Variants in RAPGEF6 observed in about 807,000 individuals in gnomAD.
RAPGEF6 encodes the protein PDZ domain containing guanine nucleotide exchange factor (GEF) 2.
A neutral mutation model predicts 171.4 loss-of-function variants in RAPGEF6; 56 were observed. The ratio of observed to expected loss-of-function variants is 0.33; its 90% confidence interval spans 0.26 to 0.41. The LOEUF (loss-of-function observed/expected upper bound fraction) is 0.41. Ranked by LOEUF, RAPGEF6 falls within the 10% of genes least tolerant of loss-of-function variation. The pLI is 1.00. For synonymous variants in RAPGEF6, 692 were observed against 650.1 expected (o/e 1.06, Z -0.98); for missense variants, 1,674 against 1,921.4 (o/e 0.87, Z 2.41).
chr5:131,528,083 T>TA (rs1561537650), intron 6 of RAPGEF6, among the ~76,000 whole-genome samples: 6 of 123,010 alleles, frequency 4.9e-5, no homozygotes, highest in Non-Finnish European at 8.0e-5. Flanking sequence ...TAATTTATAT[T>TA]ATATGTAATA....
chr5:131,472,636 A>T lies in RAPGEF6; in HGVS notation c.2190T>A (p.Pro730=). Reference sequence around the variant, plus strand: ...TACTGGTGGTAGGCTGCAGGAGATCAGGGCTGCTGGATGAGAGTGTTCCAG... The same window carrying T: ...TACTGGTGGTAGGCTGCAGGAGATCTGGGCTGCTGGATGAGAGTGTTCCAG... ...PIPGTLSSSS[P]DLLQPTTSML... The change falls in exon 17 of 28, where the codon CCT becomes CCA. Residue 730 remains proline (P), a synonymous_variant. Transcript: ENST00000509018. The T allele has an allele frequency of 6.2e-7, 1 of 1,614,108 alleles. No individual in the cohort carries two copies. Among genetic ancestry groups the T allele is most frequent in the Non-Finnish European group, 8.5e-7 (1 of 1,179,944 alleles).
chr5:131,479,276 A>G (rs1346287843), intron 16 of RAPGEF6, among the ~76,000 whole-genome samples: 3 of 152,220 alleles, frequency 2.0e-5, no homozygotes, highest in Non-Finnish European at 2.9e-5. Context: ...TTCATAAAAT[A>G]AAATGGACAG....
At chr5:131,458,790 A>C (rs1034052973) in intron 19 of RAPGEF6, among the ~76,000 whole-genome samples, 3 of 152,130 alleles carry the variant, frequency 2.0e-5, no homozygotes, top group African/African-American at 7.2e-5. Flanking sequence ...AGTAGCTGGG[A>C]TTACAAGCAT....
rs935872579 is a variant in RAPGEF6, at chr5:131,441,960, G to A, written c.3610+389C>T. 2.6e-5 allele frequency among the ~76,000 whole-genome samples: 4 copies of A among 152,000 alleles called. No individual in the cohort carries two copies. In the South Asian group the frequency reaches 6.2e-4, roughly 24 times the overall value. Reference sequence around the variant, plus strand: ...TGTTTCCCAACCACGTTTTCAGAAGGGGTCTTTAAAGACAAAAAACAACGT... The same window carrying A: ...TGTTTCCCAACCACGTTTTCAGAAGAGGTCTTTAAAGACAAAAAACAACGT... On this transcript the variant is annotated intron_variant, in intron 23 of 27. Coordinates refer to ENST00000509018, the MANE Select transcript of RAPGEF6 (RefSeq NM_016340.6).
chr5:131,586,959 T>G (rs1316186180), intron 4 of RAPGEF6, among the ~76,000 whole-genome samples: 2 of 152,246 alleles, frequency 1.3e-5, no homozygotes, highest in East Asian at 3.9e-4. Flanking sequence ...CACACAGGGG[T>G]GGAGCCACAG....
At chr5:131,536,171 A>C (rs1759756823) in intron 6 of RAPGEF6, among the ~76,000 whole-genome samples, 1 of 152,196 alleles carries the variant, frequency 6.6e-6, no homozygotes, top group Admixed American at 6.6e-5. Context: ...TTTGAAATAT[A>C]AACTTAAATT....
chr5:131,505,284 T>C lies in RAPGEF6; in HGVS notation c.1101+80A>G, dbSNP rs181003992. The C allele has an allele frequency of 3.3e-3, 4,697 of 1,408,250 alleles. 59 individuals are homozygous for C. Among genetic ancestry groups the C allele is most frequent in the Non-Finnish European group, 2.4e-3 (2,452 of 1,013,426 alleles). 87.2% of individuals were successfully genotyped at this position (1,408,250 alleles called of 1,614,324 possible). A position where few individuals can be genotyped will look rare whatever the true frequency, so the allele number is the denominator to read the frequency against. ...AACTCCTAATTCTCAAATAAAGCTA[T>C]TTTCTTTTGAGGAAGACAAAACAGG... On this transcript the variant is annotated intron_variant, in intron 10 of 27. Transcript: ENST00000509018.
intron 6 of RAPGEF6, among the ~76,000 whole-genome samples, chr5:131,527,300 CA>C (rs1295348679): frequency 6.6e-6 from 1 of 151,006 alleles, no homozygotes; most frequent in African/African-American, 2.5e-5. Context: ...ACAACAACAA[CA>C]ACAAAAAAAA....
intron 5 of RAPGEF6, among the ~76,000 whole-genome samples, chr5:131,548,923 G>T (rs1760727524): frequency 6.6e-6 from 1 of 152,118 alleles, no homozygotes; most frequent in African/African-American, 2.4e-5. Context: ...AATAAGCCAG[G>T]CATGGTGGTG....
chr5:131,623,477 CTT>C (rs763921579), intron 1 of RAPGEF6, among the ~76,000 whole-genome samples: 4 of 114,176 alleles, frequency 3.5e-5, no homozygotes, highest in African/African-American at 6.7e-5. Context: ...TTTCACATTG[CTT>C]TTTTTTTTTT....
chr5:131,570,701 ACAT>A (rs1049317925), intron 4 of RAPGEF6, among the ~76,000 whole-genome samples: 4 of 152,174 alleles, frequency 2.6e-5, no homozygotes, highest in African/African-American at 9.7e-5. Context: ...AAACTATACA[ACAT>A]ATTCCATTTA....
intron 5 of RAPGEF6, among the ~76,000 whole-genome samples, chr5:131,561,456 G>A (rs1368591597): frequency 6.6e-6 from 1 of 151,964 alleles, no homozygotes; most frequent in South Asian, 2.1e-4. Flanking sequence ...TCAGGAGTTC[G>A]AGACCAGCCT....
chr5:131,563,068 TA>T (rs1002738779), intron 4 of RAPGEF6, among the ~76,000 whole-genome samples: 4 of 148,548 alleles, frequency 2.7e-5, no homozygotes, highest in African/African-American at 7.4e-5. Flanking sequence ...TAATGAAGAA[TA>T]AAAAAAAGCC....
chr5:131,442,142 T>C (rs1162110971), intron 23 of RAPGEF6, among the ~76,000 whole-genome samples: 1 of 152,196 alleles, frequency 6.6e-6, no homozygotes, highest in Non-Finnish European at 1.5e-5. Context: ...TTCAGTATTA[T>C]AGGAAATTCA....
intron 4 of RAPGEF6, among the ~76,000 whole-genome samples, chr5:131,574,910 G>A (rs189335730): frequency 6.3e-4 from 96 of 152,230 alleles, no homozygotes; most frequent in African/African-American, 2.2e-3. Flanking sequence ...TCACTCACCT[G>A]TTACAGCATG....
chr5:131,471,208 C>G (rs756065213), intron 17 of RAPGEF6, among the ~76,000 whole-genome samples: 6 of 152,158 alleles, frequency 3.9e-5, no homozygotes, highest in Non-Finnish European at 4.4e-5. Flanking sequence ...AAAGTAATGA[C>G]TCATTAAATC....
intron 15 of RAPGEF6, among the ~76,000 whole-genome samples, chr5:131,481,402 A>T (rs575965144): frequency 6.7e-6 from 1 of 149,474 alleles, no homozygotes; most frequent in African/African-American, 2.5e-5. Context: ...TAATTTTTGT[A>T]TTTTTTTGTA....
At chr5:131,452,418 T>G (rs1753157725) in intron 21 of RAPGEF6, among the ~76,000 whole-genome samples, 2 of 152,072 alleles carry the variant, frequency 1.3e-5, no homozygotes, top group Admixed American at 1.3e-4. Flanking sequence ...TTCTGTTCAT[T>G]TGTATGTAAT....
chr5:131,600,605 GGGAGAGAAGA>G (rs1489222481), intron 3 of RAPGEF6, among the ~76,000 whole-genome samples: 27 of 147,560 alleles, frequency 1.8e-4, no homozygotes, highest in South Asian at 1.3e-3. Context: ...GGGAAGGGAG[GGGAGAGAAGA>G]GGAGAGAAGA....
Sources: allele counts gnomAD v4.1 joint callset (sites outside exome capture counted in the v4.1 genomes callset), GRCh38; gene constraint gnomAD v4.1.1; transcripts MANE v1.5; gene names NCBI Gene and HGNC (gene_info 2026-07-23, HGNC 2026-07-21).